Variants in FMNL1 observed in about 807,000 individuals in gnomAD.
FMNL1 encodes formin-like protein 1.
Under a neutral mutation model 121.3 loss-of-function variants are expected in FMNL1, and 43 were observed. The ratio of observed to expected loss-of-function variants is 0.35; its 90% CI spans 0.28 to 0.46. The LOEUF (loss-of-function observed/expected upper bound fraction) is 0.46. Among genes scored for constraint, FMNL1 ranks in the 20% least tolerant of loss-of-function variants. The pLI is 1.00. For missense variants in FMNL1, 1,191 were observed against 1,482.4 expected, an observed-to-expected ratio of 0.80 and a Z score of 3.23; for synonymous variants, 613 against 613.5, an observed-to-expected ratio of 1.00 and a Z score of 0.01.
At chr17:45,230,720 C>T in intron 2 of FMNL1, 33 bp downstream of exon 2, 4 of 1,608,000 alleles carry the variant, frequency 2.5e-6, no homozygotes, top group South Asian at 1.1e-5. Context: ...CACCCCTTCC[C>T]TCCCACTGTC....
chr17:45,233,722 GCT>G lies in FMNL1; in HGVS notation c.479_480del (p.Ser160CysfsTer4), dbSNP rs1452460977. On this transcript the variant is annotated frameshift_variant, in exon 5 of 27. Transcript: ENST00000331495. LOFTEE classifies it high-confidence loss of function. The surrounding 1 kb of genome is among the most constrained non-coding windows in gnomAD (Gnocchi z 4.1). ...CTCGAGTACCTGGCCTTTGCCCAGTGCTCTGTCACGTAAGCCCCCTGCTCCCA... is the reference window on the plus strand; with the variant it reads ...CTCGAGTACCTGGCCTTTGCCCAGTGCTGTCACGTAAGCCCCCTGCTCCCA... 1.2e-6 allele frequency: 2 copies of G among 1,613,810 alleles called. No individual in the cohort carries two copies. The highest frequency in any genetic ancestry group is 2.7e-5 in the African/African-American group (2 of 74,910).
Position 45,241,206 on chromosome 17 carries a change from G to T in FMNL1, c.1308G>T (p.Ala436=), listed in dbSNP as rs754565475. 1 of 1,614,168 alleles carries T rather than the reference G, an allele frequency of 6.2e-7. No homozygotes were observed. The highest frequency in any genetic ancestry group is 1.1e-5 in the South Asian group (1 of 91,090). ...AACTGGAAAAACAGCTAAGCCAGGC[G>T]CGCAAGGAGTTGGAGACCCTGCGGG... ...IAELEKQLSQ[A]RKELETLRER... The change falls in exon 13 of 27, where the codon GCG becomes GCT. Residue 436 remains alanine, a synonymous_variant. Coordinates refer to ENST00000331495, the MANE Select transcript of FMNL1 (RefSeq NM_005892.4). This position sits in a 1 kb window ranked among gnomAD's most constrained non-coding sequence, Gnocchi z 7.0.
Position 45,237,462 on chromosome 17 carries a change from A to G in FMNL1, c.801-84A>G, listed in dbSNP as rs528624251. 140 of 1,606,580 alleles carry G rather than the reference A, an allele frequency of 8.7e-5. No individual in the cohort carries two copies. Among genetic ancestry groups the G allele is most frequent in the East Asian group, 2.2e-4 (10 of 44,810 alleles). On this transcript the variant is annotated intron_variant, in intron 8 of 26. Transcript: ENST00000331495. The surrounding 1 kb of genome is among the most constrained non-coding windows in gnomAD (Gnocchi z 4.4). The stretch of plus-strand genomic sequence containing the variant: ...CTCAGAGGCTCATTCTGCACCCACT[A>G]TGCTCCTCCTAGCCAGGCCTGTGCC...
intron 6 of FMNL1, 85 bp downstream of exon 6, chr17:45,234,285 TTGGGG>T: frequency 1.2e-6 from 2 of 1,605,960 alleles, no homozygotes; most frequent in Non-Finnish European, 1.7e-6. Flanking sequence ...CCCCGGGCCC[TTGGGG>T]TTGGCGAGAG....
chr17:45,241,544 G>A lies in FMNL1; in HGVS notation c.1495G>A (p.Val499Ile), dbSNP rs1033052094. 1 of 1,574,700 alleles carries A rather than the reference G, an allele frequency of 6.4e-7. No individual in the cohort carries two copies. Among genetic ancestry groups the A allele is most frequent in the East Asian group, 2.3e-5 (1 of 43,352 alleles). Residue 499 changes from valine to isoleucine, a missense_variant, in exon 14 of 27, where the codon GTC (valine) becomes ATC (isoleucine). Physicochemically the swap from Val to Ile is conservative, Grantham distance 29. This residue lies in a region of FMNL1 where 519 missense variants were observed against 492.8 expected (regional missense o/e 1.05). Coordinates refer to ENST00000331495, the MANE Select transcript of FMNL1 (RefSeq NM_005892.4). This position sits in a 1 kb window ranked among gnomAD's most constrained non-coding sequence, Gnocchi z 7.0. ...IRILRGPGDA[V>I]SIEILPVAVA... is the part of the protein sequence containing the mutation. ...TATTCTGCGGGGGCCGGGGGATGCT[G>A]TCTCCATCGAGATCCTCCCCGTCGC...
intron 7 of FMNL1, 46 bp downstream of exon 7, chr17:45,236,290 C>T (rs2043548955): frequency 6.6e-7 from 1 of 1,514,600 alleles, no homozygotes; most frequent in Non-Finnish European, 9.1e-7. Flanking sequence ...CCCAGCCTGT[C>T]CTCACTGGGG....
intron 6 of FMNL1, 32 bp from the exon 7 acceptor site, chr17:45,236,104 G>T: frequency 3.2e-6 from 5 of 1,579,922 alleles, no homozygotes; most frequent in Non-Finnish European, 4.3e-6. Context: ...GGCTCACTCT[G>T]ACTCCTGCTG....
Position 45,233,122 on chromosome 17 carries a change from C to G in FMNL1, c.328-102C>G. 8.6e-7 allele frequency: 1 copy of G among 1,164,956 alleles called. No homozygotes were observed. Among genetic ancestry groups the G allele is most frequent in the African/African-American group, 1.5e-5 (1 of 65,554 alleles). 72.2% of individuals were successfully genotyped at this position (1,164,956 alleles called of 1,614,324 possible). A position where few individuals can be genotyped will look rare whatever the true frequency, so the allele number is the denominator to read the frequency against. ...GCTGAGCATGAAAGGCCACTTGTGC[C>G]AGTTGGAGGAGGGTGGGCGCTGCTG... On this transcript the variant is annotated intron_variant, in intron 3 of 26. Transcript: ENST00000331495. The surrounding 1 kb of genome is among the most constrained non-coding windows in gnomAD (Gnocchi z 4.1).
chr17:45,236,525 C>T, intron 7 of FMNL1: 1 of 306,388 alleles, frequency 3.3e-6, no homozygotes, highest in Non-Finnish European at 6.1e-6. Flanking sequence ...GAAGGGCTGG[C>T]CGGAGGGCCA....
At chr17:45,238,209 G>A in intron 9 of FMNL1, 1 of 247,530 alleles carries the variant, frequency 4.0e-6, no homozygotes, top group Non-Finnish European at 7.9e-6. Flanking sequence ...TGTTGCAGAG[G>A]GAGGGGGAAT....
intron 1 of FMNL1, among the ~76,000 whole-genome samples, chr17:45,226,947 C>T (rs1003339692): frequency 6.6e-6 from 1 of 152,108 alleles, no homozygotes; most frequent in African/African-American, 2.4e-5. Context: ...ATAAGAGCCC[C>T]AGAAAATCTA....
rs946884722 is a variant in FMNL1, at chr17:45,231,830, G to A, written c.214-537G>A. ...GAGGCACCTCCAGCCGTCCTTCCCC[G>A]CCGTATGCCAGCTCTGGTCCAGGGA... On this transcript the variant is annotated intron_variant, in intron 2 of 26. Coordinates refer to ENST00000331495, the MANE Select transcript of FMNL1 (RefSeq NM_005892.4). The surrounding 1 kb of genome is among the most constrained non-coding windows in gnomAD (Gnocchi z 4.7). 3.3e-5 allele frequency among the ~76,000 whole-genome samples: 5 copies of A among 152,120 alleles called. No individual in the cohort carries two copies. Among genetic ancestry groups the A allele is most frequent in the African/African-American group, 7.2e-5 (3 of 41,430 alleles).
chr17:45,245,938 G>T lies in FMNL1; in HGVS notation c.3055G>T (p.Asp1019Tyr). The change falls in exon 24 of 27, where the codon GAT becomes TAT. Residue 1019 changes from aspartate (D) to tyrosine (Y), a missense_variant. Physicochemically the swap from Asp to Tyr is radical, Grantham distance 160. Transcript: ENST00000331495. ...KEAAAQEAGADTPGKGEPPAP... is the reference protein window; with the variant it reads ...KEAAAQEAGAYTPGKGEPPAP... The stretch of plus-strand genomic sequence containing the variant: ...AGCCGCTGCCCAGGAGGCAGGCGCT[G>T]ATACCCCGGGCAAAGGGGAGCCCCC... 2 of 1,584,944 alleles carry T rather than the reference G, an allele frequency of 1.3e-6. No homozygotes were observed. Among genetic ancestry groups the T allele is most frequent in the South Asian group, 2.3e-5 (2 of 87,956 alleles).
intron 2 of FMNL1, among the ~76,000 whole-genome samples, chr17:45,232,050 C>T (rs915231404): frequency 1.2e-4 from 18 of 152,210 alleles, no homozygotes; most frequent in African/African-American, 3.4e-4. Context: ...GGTGCACACC[C>T]GTAGTCCCAG....
At chr17:45,240,246 T>C in intron 11 of FMNL1, 1 of 320,320 alleles carries the variant, frequency 3.1e-6, no homozygotes, top group Admixed American at 4.9e-5. Context: ...GTTCTGGAAT[T>C]AGATAATGGT....
In FMNL1 at chr17:45,233,308, G is replaced by A. The variant is rs774086809; in HGVS notation, c.401+11G>A. Reference sequence around the variant, plus strand: ...GACCAACCACATTGGGTGAGTGAGGGCTCAGATCTTCCTCTCTGGGCCTAG... The same window carrying A: ...GACCAACCACATTGGGTGAGTGAGGACTCAGATCTTCCTCTCTGGGCCTAG... On this transcript the variant is annotated intron_variant, in intron 4 of 26. Coordinates refer to ENST00000331495, the MANE Select transcript of FMNL1 (RefSeq NM_005892.4). This position sits in a 1 kb window ranked among gnomAD's most constrained non-coding sequence, Gnocchi z 4.1. The A allele has an allele frequency of 3.0e-5, 47 of 1,554,928 alleles. No individual in the cohort carries two copies. Among genetic ancestry groups the A allele is most frequent in the Non-Finnish European group, 4.1e-5 (47 of 1,149,722 alleles).
chr17:45,241,636 T>C lies in FMNL1; in HGVS notation c.1585+2T>C. The C allele has an allele frequency of 6.7e-7, 1 of 1,496,280 alleles. No individual in the cohort carries two copies. Among genetic ancestry groups the C allele is most frequent in the South Asian group, 1.3e-5 (1 of 76,710 alleles). 92.7% of individuals were successfully genotyped at this position (1,496,280 alleles called of 1,614,324 possible). On this transcript the variant is annotated splice_donor_variant, in intron 14 of 26. Coordinates refer to ENST00000331495, the MANE Select transcript of FMNL1 (RefSeq NM_005892.4). LOFTEE classifies it high-confidence loss of function. The surrounding 1 kb of genome is among the most constrained non-coding windows in gnomAD (Gnocchi z 7.0). ...TGCCGACCGGCTCCCCCAGCCCAGGTGCGCAGGAGCTTCAGGCTGGCGGGG... is the reference window on the plus strand; with the variant it reads ...TGCCGACCGGCTCCCCCAGCCCAGGCGCGCAGGAGCTTCAGGCTGGCGGGG...
intron 22 of FMNL1, 26 bp from the exon 23 acceptor site, chr17:45,245,606 G>C (rs770347645): frequency 2.5e-6 from 4 of 1,612,530 alleles, no homozygotes; most frequent in Non-Finnish European, 3.4e-6. Context: ...GGTCTAAGCT[G>C]GGGGGCTGAC....
chr17:45,242,871 G>C, intron 16 of FMNL1, among the ~76,000 whole-genome samples: 1 of 152,132 alleles, frequency 6.6e-6, no homozygotes, highest in African/African-American at 2.4e-5. Flanking sequence ...TTTACCGCTG[G>C]CCAGTTCAGC....
Sources: allele counts gnomAD v4.1 joint callset (sites outside exome capture counted in the v4.1 genomes callset), GRCh38; gene constraint gnomAD v4.1.1; regional missense constraint gnomAD v4.1.1; non-coding constraint Gnocchi (gnomAD v3.1); transcripts MANE v1.5; gene names NCBI Gene and HGNC (gene_info 2026-07-23, HGNC 2026-07-21).